The following RHOU variants were observed in gnomAD, a reference collection of about 807,000 sequenced individuals.
The protein encoded by RHOU is ras homolog family member U.
Under a neutral mutation model 12.6 loss-of-function variants are expected in RHOU, and 8 were observed. That is an observed-to-expected ratio of 0.64 (90% CI 0.37 to 1.15). The LOEUF (loss-of-function observed/expected upper bound fraction) is 1.15. Ranked by LOEUF, RHOU falls within the 50% of genes most tolerant of loss-of-function variation. The pLI is 0.01. For synonymous variants in RHOU, 161 were observed against 147.4 expected (o/e 1.09, Z -0.67); for missense variants, 258 against 347.0 (o/e 0.74, Z 2.04).
the RHOU span, among the ~76,000 whole-genome samples, chr1:228,647,097 T>C: frequency 3.9e-5 from 6 of 152,162 alleles, no homozygotes; most frequent in Non-Finnish European, 5.9e-5. Flanking sequence ...CCTACTTCGG[T>C]AGGCAGCCCC....
At chr1:228,700,737 A>C in the RHOU span, among the ~76,000 whole-genome samples, 1 of 152,198 alleles carries the variant, frequency 6.6e-6, no homozygotes, top group Non-Finnish European at 1.5e-5. Context: ...ATAAAAATAT[A>C]ACTCAAAGAA....
the RHOU span, among the ~76,000 whole-genome samples, chr1:228,682,034 A>G: frequency 6.6e-6 from 1 of 152,224 alleles, no homozygotes; most frequent in Admixed American, 6.5e-5. Context: ...TGCAATGATT[A>G]AACACCAAGG....
the RHOU span, chr1:228,650,406 G>C: frequency 4.4e-6 from 2 of 457,296 alleles, no homozygotes; most frequent in Non-Finnish European, 8.8e-6. Flanking sequence ...GCGCCAGCCC[G>C]GGGCGGCTGT....
the RHOU span, among the ~76,000 whole-genome samples, chr1:228,702,409 C>T: frequency 6.6e-6 from 1 of 152,018 alleles, no homozygotes; most frequent in Non-Finnish European, 1.5e-5. Flanking sequence ...AGCATTCAGC[C>T]CTTCACAGAA....
the RHOU span, among the ~76,000 whole-genome samples, chr1:228,656,169 T>G: frequency 1.1e-4 from 16 of 152,322 alleles, no homozygotes; most frequent in South Asian, 2.1e-4. Flanking sequence ...TATCTTTTTT[T>G]TTGTTGTTTT....
the RHOU span, among the ~76,000 whole-genome samples, chr1:228,715,117 T>A: frequency 1.3e-5 from 2 of 152,072 alleles, no homozygotes; most frequent in South Asian, 4.1e-4. Context: ...GTCACACTAA[T>A]TTCTTTTAGC....
At chr1:228,739,703 G>A (rs1662684047) in intron 2 of RHOU, among the ~76,000 whole-genome samples, 1 of 152,224 alleles carries the variant, frequency 6.6e-6, no homozygotes, top group Non-Finnish European at 1.5e-5. Context: ...CTTACGGGCT[G>A]GAGCAGAAGC....
the RHOU span, among the ~76,000 whole-genome samples, chr1:228,663,897 T>C: frequency 6.6e-6 from 1 of 151,128 alleles, no homozygotes; most frequent in African/African-American, 2.4e-5. Flanking sequence ...CCTCTCAAAG[T>C]GCTGGGATTA....
At chr1:228,712,667 G>T in the RHOU span, among the ~76,000 whole-genome samples, 1 of 111,964 alleles carries the variant, frequency 8.9e-6, no homozygotes, top group Admixed American at 1.1e-4. Context: ...TTGTAGGGTG[G>T]GGGGAGGGGG....
the RHOU span, among the ~76,000 whole-genome samples, chr1:228,729,525 T>C: frequency 5.9e-5 from 9 of 152,294 alleles, no homozygotes; most frequent in East Asian, 1.7e-3. Flanking sequence ...ATGCAGGGTA[T>C]GCACACACAG....
chr1:228,676,501 A>C, the RHOU span, among the ~76,000 whole-genome samples: 14 of 152,030 alleles, frequency 9.2e-5, no homozygotes, highest in Admixed American at 1.3e-4. Context: ...TCGAAAAAAA[A>C]CTGTTTTTTA....
At chr1:228,664,246 T>G in the RHOU span, among the ~76,000 whole-genome samples, 1 of 88,018 alleles carries the variant, frequency 1.1e-5, no homozygotes, top group Non-Finnish European at 2.1e-5. Flanking sequence ...CTCGAACTCC[T>G]GGGCATCGGC....
the RHOU span, among the ~76,000 whole-genome samples, chr1:228,703,993 T>C: frequency 1.3e-5 from 2 of 152,150 alleles, no homozygotes; most frequent in Non-Finnish European, 2.9e-5. Flanking sequence ...AACGGAAAGA[T>C]AGAACTCCAA....
chr1:228,664,112 G>A, the RHOU span, among the ~76,000 whole-genome samples: 7 of 150,408 alleles, frequency 4.7e-5, no homozygotes, highest in South Asian at 1.1e-3. Context: ...TTGACCTCTC[G>A]GGCTCGCGTG....
At chr1:228,650,621 A>G in the RHOU span, 1 of 447,108 alleles carries the variant, frequency 2.2e-6, no homozygotes, top group African/African-American at 2.0e-5. Flanking sequence ...AAAGGGGGAT[A>G]TGAGACCTTC....
the RHOU span, among the ~76,000 whole-genome samples, chr1:228,717,116 A>G: frequency 6.6e-6 from 1 of 152,196 alleles, no homozygotes; most frequent in Non-Finnish European, 1.5e-5. Context: ...ACTGAAGTCA[A>G]GAGTTAGTCT....
At chr1:228,651,893 G>T in the RHOU span, among the ~76,000 whole-genome samples, 29 of 152,316 alleles carry the variant, frequency 1.9e-4, no homozygotes, top group East Asian at 5.0e-3. Flanking sequence ...GTGGAGACAT[G>T]ATATATATGC....
the RHOU span, among the ~76,000 whole-genome samples, chr1:228,695,207 C>A: frequency 2.0e-5 from 3 of 152,088 alleles, no homozygotes; most frequent in Non-Finnish European, 4.4e-5. Flanking sequence ...TGAGCTCAAG[C>A]GATCCACCCA....
At position 228,743,801 on chromosome 1, in the gene RHOU, G is replaced by A; in HGVS notation, c.*61G>A. On this transcript the variant is annotated 3_prime_UTR_variant, in exon 3 of 3. Transcript: ENST00000366691. The surrounding 1 kb of genome is among the most constrained non-coding windows in gnomAD (Gnocchi z 5.1). ...GAAATCGATATTAGAAGCTATATTAGCTGAAACAACTCCTTTTACTGCGTA... is the reference window on the plus strand; with the variant it reads ...GAAATCGATATTAGAAGCTATATTAACTGAAACAACTCCTTTTACTGCGTA... 1.4e-6 allele frequency: 2 copies of A among 1,446,018 alleles called. No homozygotes were observed. Among genetic ancestry groups the A allele is most frequent in the Non-Finnish European group, 1.9e-6 (2 of 1,055,592 alleles). The allele number at this position is 1,446,018 out of a possible 1,614,324, so 89.6% of individuals were successfully genotyped here.
Sources: gnomAD v4.1 joint callset for allele counts (sites outside exome capture counted in the v4.1 genomes callset) on GRCh38, gnomAD v4.1.1 for gene constraint, Gnocchi (gnomAD v3.1) non-coding constraint, MANE v1.5 for transcripts, NCBI Gene and HGNC (gene_info 2026-07-23, HGNC 2026-07-21) for gene names.